The following IZUMO1 variants were observed in gnomAD, a reference collection of about 807,000 sequenced individuals.
The protein encoded by IZUMO1 is izumo sperm-egg fusion protein 1.
In IZUMO1, 44 loss-of-function variants were observed where a neutral mutation model predicts 40.7. The observed-to-expected ratio is 1.08, with a 90% CI of 0.85 to 1.39. The LOEUF is 1.39. Ranked by LOEUF, IZUMO1 falls within the 40% of genes most tolerant of loss-of-function variation. The pLI, the probability that IZUMO1 is intolerant of heterozygous loss-of-function variation, is 0.00. For synonymous variants in IZUMO1, 149 were observed against 170.9 expected (o/e 0.87, Z 1.00); for missense variants, 368 against 436.9 (o/e 0.84, Z 1.41).
Position 48,745,302 on chromosome 19 carries a change from T to C in IZUMO1, c.236-14A>G. The C allele has an allele frequency of 1.2e-6, 2 of 1,609,830 alleles. No individual in the cohort carries two copies. The highest frequency in any genetic ancestry group is 1.1e-5 in the South Asian group (1 of 90,998). ...GTGTGGCCTCATCTGTCAGAGGAGA[T>C]ATAACCCCAGATTCCAGCCTTACTG... On this transcript the variant is annotated splice_polypyrimidine_tract_variant and intron_variant, in intron 2 of 9. Coordinates refer to ENST00000332955, the MANE Select transcript of IZUMO1 (RefSeq NM_182575.3).
At chr19:48,742,343 ATTCTGTTTTTGT>A (rs757945428) in intron 6 of IZUMO1, 34 bp from the exon 7 acceptor site, 24 of 1,491,536 alleles carry the variant, frequency 1.6e-5, no homozygotes, top group Admixed American at 6.7e-5. Context: ...GACACTCATG[ATTCTGTTTTTGT>A]TTTTGTTTTT....
At position 48,741,700 on chromosome 19, in the gene IZUMO1, G is replaced by T; in HGVS notation, c.754+89C>A. The T allele has an allele frequency of 7.0e-7, 1 of 1,431,490 alleles. No homozygotes were observed. The highest frequency in any genetic ancestry group is 9.3e-7 in the Non-Finnish European group (1 of 1,073,166). The allele number at this position is 1,431,490 out of a possible 1,614,324, so 88.7% of individuals were successfully genotyped here. ...GAAACCACACCCAACAGGAAGTCACGCCCCCATCGCCAAGGCCACGCCCCC... is the reference window on the plus strand; with the variant it reads ...GAAACCACACCCAACAGGAAGTCACTCCCCCATCGCCAAGGCCACGCCCCC... On this transcript the variant is annotated intron_variant, in intron 8 of 9. Coordinates refer to ENST00000332955, the MANE Select transcript of IZUMO1 (RefSeq NM_182575.3). The surrounding 1 kb of genome is among the most constrained non-coding windows in gnomAD (Gnocchi z 4.4).
chr19:48,742,428 A>G (rs2033733795), intron 6 of IZUMO1, 119 bp from the exon 7 acceptor site: 2 of 698,498 alleles, frequency 2.9e-6, no homozygotes, highest in Non-Finnish European at 5.1e-6. Flanking sequence ...GCTCACTGCA[A>G]CCTCCGCTTC....
chr19:48,744,460 T>C lies in IZUMO1; in HGVS notation c.390A>G (p.Gln130=). ...ACTCCCATCTTCTCTCACCCTCTTT[T>C]TGGAATCGAGCAACATAGGTGGCAA... ...ETFATYVARF[Q]KEAYCPNKCG... is the part of the protein sequence containing the mutation. The change falls in exon 4 of 10, where the codon CAA becomes CAG. Residue 130 remains glutamine, a synonymous_variant. Transcript: ENST00000332955. 1 of 1,612,836 alleles carries C rather than the reference T, an allele frequency of 6.2e-7. No homozygotes were observed. The highest frequency in any genetic ancestry group is 1.3e-5 in the African/African-American group (1 of 75,008).
In IZUMO1 at chr19:48,743,458, G is replaced by C. The variant is rs1162329299; in HGVS notation, c.486C>G (p.Ser162=). The C allele has an allele frequency of 2.5e-6, 4 of 1,614,098 alleles. No homozygotes were observed. The highest frequency in any genetic ancestry group is 3.4e-6 in the Non-Finnish European group (4 of 1,180,008). The change falls in exon 6 of 10, where the codon TCC becomes TCG. Residue 162 remains serine (S), a synonymous_variant. Transcript: ENST00000332955. ...CKKEVHACRK[S]YDCGERNVEV... ...CAGTTCTCTCACCCCCGCAATCGTA[G>C]GACTTTCGACAAGCGTGAACCTCCT...
chr19:48,743,884 AG>A, intron 5 of IZUMO1: 1 of 475,224 alleles, frequency 2.1e-6, no homozygotes. Context: ...CCAGCTACTC[AG>A]GGGGCTGAGG....
Position 48,745,939 on chromosome 19 carries a change from G to T in IZUMO1, c.-73-7C>A. The stretch of plus-strand genomic sequence containing the variant: ...AACCGAGAGCAGGAGAACGCTAAAC[G>T]GAGAAAAGCCAAAATCCATCTTAAG... On this transcript the variant is annotated splice_region_variant and splice_polypyrimidine_tract_variant and intron_variant, in intron 1 of 9. Coordinates refer to ENST00000332955, the MANE Select transcript of IZUMO1 (RefSeq NM_182575.3). 1 of 1,578,354 alleles carries T rather than the reference G, an allele frequency of 6.3e-7. No homozygotes were observed. The highest frequency in any genetic ancestry group is 8.6e-7 in the Non-Finnish European group (1 of 1,160,220).
Position 48,741,903 on chromosome 19 carries a change from T to A in IZUMO1, c.640A>T (p.Lys214Ter). 1 of 1,611,606 alleles carries A rather than the reference T, an allele frequency of 6.2e-7. No homozygotes were observed. Among genetic ancestry groups the A allele is most frequent in the Non-Finnish European group, 8.5e-7 (1 of 1,178,164 alleles). Reference protein sequence around the residue: ...NNTETLVSKGKEATLTKPMVG... With the variant: ...NNTETLVSKG ...ATGGGCTTGGTCAGGGTGGCCTCTTTCCCCTTGGACACCAAGGTCTCCGTA... is the reference window on the plus strand; with the variant it reads ...ATGGGCTTGGTCAGGGTGGCCTCTTACCCCTTGGACACCAAGGTCTCCGTA... The change falls in exon 8 of 10, where the codon AAA becomes TAA. Residue 214 changes from lysine to a stop codon, truncating the protein, a stop_gained. Transcript: ENST00000332955. LOFTEE classifies it high-confidence loss of function. This position sits in a 1 kb window ranked among gnomAD's most constrained non-coding sequence, Gnocchi z 4.4.
At position 48,741,139 on chromosome 19, in the gene IZUMO1, C is replaced by A; in HGVS notation, c.933-111G>T. 6.6e-7 allele frequency: 1 copy of A among 1,523,806 alleles called. No individual in the cohort carries two copies. The highest frequency in any genetic ancestry group is 8.9e-7 in the Non-Finnish European group (1 of 1,122,324). The allele number at this position is 1,523,806 out of a possible 1,614,324, so 94.4% of individuals were successfully genotyped here. A position where few individuals can be genotyped will look rare whatever the true frequency, so the allele number is the denominator to read the frequency against. ...GACCTTATTCTAGCAATTACCTAAG[C>A]CTCGCCCTTCGAAGTCCTCCTATTC... On this transcript the variant is annotated intron_variant, in intron 9 of 9. Coordinates refer to ENST00000332955, the MANE Select transcript of IZUMO1 (RefSeq NM_182575.3). The surrounding 1 kb of genome is among the most constrained non-coding windows in gnomAD (Gnocchi z 4.4).
Position 48,744,453 on chromosome 19 carries a change from C to G in IZUMO1, c.397G>C (p.Ala133Pro). ...ATYVARFQKE[A>P]YCPNKCGVML... ...GACACCGACTCCCATCTTCTCTCACCCTCTTTTTGGAATCGAGCAACATAG... is the reference window on the plus strand; with the variant it reads ...GACACCGACTCCCATCTTCTCTCACGCTCTTTTTGGAATCGAGCAACATAG... The change falls in exon 4 of 10, where the codon GCT becomes CCT. Residue 133 changes from alanine (A) to proline (P), a missense_variant and splice_region_variant. Coordinates refer to ENST00000332955, the MANE Select transcript of IZUMO1 (RefSeq NM_182575.3). 1.2e-6 allele frequency: 2 copies of G among 1,610,758 alleles called. No individual in the cohort carries two copies. The highest frequency in any genetic ancestry group is 2.2e-5 in the South Asian group (2 of 91,004).
At chr19:48,743,286 G>C (rs548504426) in intron 6 of IZUMO1, 159 bp downstream of exon 6, 2 of 641,268 alleles carry the variant, frequency 3.1e-6, no homozygotes, top group Middle Eastern at 4.1e-4. Flanking sequence ...TCAGCCTCTC[G>C]AAGTGCGAGA....
chr19:48,745,475 T>C, intron 2 of IZUMO1, 150 bp downstream of exon 2: 1 of 1,073,314 alleles, frequency 9.3e-7, no homozygotes. Flanking sequence ...GGGAAAACGG[T>C]ATTTACTAGC....
chr19:48,743,285 C>T (rs972105899), intron 6 of IZUMO1, 160 bp downstream of exon 6: 9 of 642,882 alleles, frequency 1.4e-5, no homozygotes, highest in Admixed American at 2.7e-5. Flanking sequence ...CTCAGCCTCT[C>T]GAAGTGCGAG....
intron 6 of IZUMO1, among the ~76,000 whole-genome samples, 168 bp from the exon 7 acceptor site, chr19:48,742,477 A>G (rs894283299): frequency 1.3e-5 from 2 of 151,646 alleles, no homozygotes; most frequent in Non-Finnish European, 2.9e-5. Context: ...CCTCCTGAGT[A>G]TCTGGGACTA....
chr19:48,743,406 A>T (rs2122517809), intron 6 of IZUMO1, 39 bp downstream of exon 6: 1 of 1,608,162 alleles, frequency 6.2e-7, no homozygotes, highest in Non-Finnish European at 8.5e-7. Context: ...GCCCCACCCC[A>T]CCTGCACCAA....
chr19:48,746,245 T>G, intron 1 of IZUMO1, 190 bp downstream of exon 1: 5 of 1,064,510 alleles, frequency 4.7e-6, no homozygotes, highest in Non-Finnish European at 5.7e-6. Flanking sequence ...TGTGGAATTT[T>G]CCAAGTCCCC....
At chr19:48,745,146 G>C in intron 3 of IZUMO1, 68 bp downstream of exon 3, 3 of 1,317,078 alleles carry the variant, frequency 2.3e-6, no homozygotes, top group Non-Finnish European at 3.3e-6. Context: ...ATCTGACCAA[G>C]AGACCAGGCA....
Position 48,741,716 on chromosome 19 carries a change from C to T in IZUMO1, c.754+73G>A. The T allele has an allele frequency of 6.7e-7, 1 of 1,481,658 alleles. No individual in the cohort carries two copies. Among genetic ancestry groups the T allele is most frequent in the Non-Finnish European group, 9.0e-7 (1 of 1,110,480 alleles). 91.8% of individuals were successfully genotyped at this position (1,481,658 alleles called of 1,614,324 possible). ...GGAAGTCACGCCCCCATCGCCAAGG[C>T]CACGCCCCCGCCGCGGACCCCAGCT... On this transcript the variant is annotated intron_variant, in intron 8 of 9. Coordinates refer to ENST00000332955, the MANE Select transcript of IZUMO1 (RefSeq NM_182575.3). This position sits in a 1 kb window ranked among gnomAD's most constrained non-coding sequence, Gnocchi z 4.4.
intron 3 of IZUMO1, 50 bp downstream of exon 3, chr19:48,745,162 AAC>A: frequency 6.8e-7 from 1 of 1,460,408 alleles, no homozygotes; most frequent in Admixed American, 1.7e-5. Flanking sequence ...AGGCATCACT[AAC>A]GCTGGCTTCT....
Sources: allele counts gnomAD v4.1 joint callset (sites outside exome capture counted in the v4.1 genomes callset), GRCh38; gene constraint gnomAD v4.1.1; non-coding constraint Gnocchi (gnomAD v3.1); transcripts MANE v1.5; gene names NCBI Gene and HGNC (gene_info 2026-07-23, HGNC 2026-07-21).